The following LCN2 variants were observed in gnomAD, a reference collection of about 807,000 sequenced individuals.
LCN2 encodes lipocalin 2.
In LCN2, 27 loss-of-function variants were observed where a neutral mutation model predicts 26.4. The observed-to-expected ratio is 1.02, with a 90% CI of 0.76 to 1.41. LCN2 has a LOEUF of 1.41. LCN2 is among the 40% of genes most tolerant of loss of function. The pLI, the probability that LCN2 is intolerant of heterozygous loss-of-function variation, is 0.00. For synonymous variants in LCN2, 94 were observed against 98.9 expected, an observed-to-expected ratio of 0.95 and a Z score of 0.30; for missense variants, 224 against 237.6, an observed-to-expected ratio of 0.94 and a Z score of 0.38.
Position 128,153,317 on chromosome 9 carries a change from G to A in LCN2, c.*14G>A, listed in dbSNP as rs1010411785. The A allele has an allele frequency of 1.8e-5, 12 of 663,208 alleles. No individual in the cohort carries two copies. Among genetic ancestry groups the A allele is most frequent in the East Asian group, 1.4e-4 (5 of 36,386 alleles). 41.1% of individuals were successfully genotyped at this position (663,208 alleles called of 1,614,324 possible). A position where few individuals can be genotyped will look rare whatever the true frequency, so the allele number is the denominator to read the frequency against. On this transcript the variant is annotated 3_prime_UTR_variant, in exon 7 of 7. Transcript: ENST00000277480. The surrounding 1 kb of genome is among the most constrained non-coding windows in gnomAD (Gnocchi z 5.4). ...CATATCCACCTCTGTCCAGGGTGCC[G>A]CCAGCTGCCGCACCAGCCCGAACAC...
chr9:128,150,101 C>T, intron 1 of LCN2, 137 bp from the exon 2 acceptor site: 1 of 1,145,732 alleles, frequency 8.7e-7, no homozygotes, highest in Non-Finnish European at 1.2e-6. Flanking sequence ...CCAGTGCAGG[C>T]CCAGCCTGGG....
intron 1 of LCN2, 107 bp downstream of exon 1, chr9:128,149,770 G>A (rs1834987351): frequency 7.3e-7 from 1 of 1,360,710 alleles, no homozygotes; most frequent in African/African-American, 1.4e-5. Flanking sequence ...GACTCTAGGA[G>A]TCCAGGGTCC....
At chr9:128,150,621 G>A in intron 2 of LCN2, 1 of 650,328 alleles carries the variant, frequency 1.5e-6, no homozygotes, top group East Asian at 3.2e-5. Flanking sequence ...CTGGGAGCGG[G>A]AGGAGGGGAC....
At chr9:128,150,629 G>A in intron 2 of LCN2, 1 of 638,980 alleles carries the variant, frequency 1.6e-6, no homozygotes, top group Non-Finnish European at 2.9e-6. Context: ...GGGAGGAGGG[G>A]ACACTGGATC....
At chr9:128,150,866 C>A (rs1834999868) in intron 2 of LCN2, among the ~76,000 whole-genome samples, 3 of 152,232 alleles carry the variant, frequency 2.0e-5, no homozygotes, top group African/African-American at 7.2e-5. Context: ...GGTCCTCAGG[C>A]CCCGCCCCAG....
intron 2 of LCN2, chr9:128,151,427 G>GGACA: frequency 1.6e-6 from 1 of 616,902 alleles, no homozygotes; most frequent in Non-Finnish European, 3.0e-6. Flanking sequence ...AGGCCAGGAG[G>GGACA]GACAGCCTGG....
Position 128,151,920 on chromosome 9 carries a change from A to G in LCN2, c.370A>G (p.Thr124Ala). The G allele has an allele frequency of 6.2e-7, 1 of 1,614,116 alleles. No homozygotes were observed. The highest frequency in any genetic ancestry group is 8.5e-7 in the Non-Finnish European group (1 of 1,180,000). Residue 124 changes from threonine (T) to alanine (A), a missense_variant, in exon 4 of 7, where the codon ACG (threonine) becomes GCG (alanine). By Grantham distance (58) the Thr-to-Ala change is moderately conservative. Coordinates refer to ENST00000277480, the MANE Select transcript of LCN2 (RefSeq NM_005564.5). ...CACGCCTGCAGGTTACCCTGGATTA[A>G]CGAGTTACCTCGTCCGAGTGGTGAG... is the stretch of plus-strand genomic sequence containing the variant. ...LGNIKSYPGLTSYLVRVVSTN... is the reference protein window; with the variant it reads ...LGNIKSYPGLASYLVRVVSTN...
At chr9:128,150,214 G>A (rs1262835293) in intron 1 of LCN2, 24 bp from the exon 2 acceptor site, 1 of 1,606,064 alleles carries the variant, frequency 6.2e-7, no homozygotes, top group Non-Finnish European at 8.5e-7. Flanking sequence ...TTCCTGGGTT[G>A]TGCCTCTTAT....
At chr9:128,152,148 G>A (rs370287787) in intron 4 of LCN2, 35 bp from the exon 5 acceptor site, 220 of 1,610,146 alleles carry the variant, frequency 1.4e-4, no homozygotes, top group Non-Finnish European at 1.8e-4. Flanking sequence ...TTTATGTGGT[G>A]TCTGCCAGCC....
At position 128,152,299 on chromosome 9, in the gene LCN2, G is replaced by A. The variant is rs1368692668; in HGVS notation, c.577+15G>A. The A allele has an allele frequency of 6.2e-7, 1 of 1,606,348 alleles. No homozygotes were observed. Among genetic ancestry groups the A allele is most frequent in the Admixed American group, 1.7e-5 (1 of 59,994 alleles). On this transcript the variant is annotated intron_variant, in intron 5 of 6. Transcript: ENST00000277480. The stretch of plus-strand genomic sequence containing the variant: ...TGTCCCAATCGGTAATGGCCAGTCT[G>A]GATGAGGGGACGGGGACATGGGGAC...
intron 2 of LCN2, among the ~76,000 whole-genome samples, chr9:128,150,969 G>A (rs554730951): frequency 1.1e-4 from 17 of 152,354 alleles, no homozygotes; most frequent in African/African-American, 3.4e-4. Context: ...GGAGACCAGC[G>A]AAAGTGAAGC....
rs747675011 is a variant in LCN2, at chr9:128,152,205, G to C, written c.498G>C (p.Ser166=). Residue 166 remains serine, a synonymous_variant, in exon 5 of 7, where the codon TCG becomes TCC. Transcript: ENST00000277480. The part of the protein sequence containing the change: ...TLYGRTKELT[S]ELKENFIRFS... Reference sequence around the variant, plus strand: ...CAGGGAGAACCAAGGAGCTGACTTCGGAACTAAAGGAGAACTTCATCCGCT... The same window carrying C: ...CAGGGAGAACCAAGGAGCTGACTTCCGAACTAAAGGAGAACTTCATCCGCT... 2.5e-6 allele frequency: 4 copies of C among 1,614,116 alleles called. No individual in the cohort carries two copies. Among genetic ancestry groups the C allele is most frequent in the South Asian group, 1.1e-5 (1 of 91,088 alleles).
At position 128,150,464 on chromosome 9, in the gene LCN2, C is replaced by T. The variant is rs576763833; in HGVS notation, c.275+90C>T. 1.9e-4 allele frequency: 288 copies of T among 1,525,440 alleles called. 1 individual carries two copies. In the African/African-American group the frequency reaches 3.3e-3, roughly 18 times the overall value. The allele number at this position is 1,525,440 out of a possible 1,614,324, so 94.5% of individuals were successfully genotyped here. On this transcript the variant is annotated intron_variant, in intron 2 of 6. Transcript: ENST00000277480. ...AGCTGAGGGATCCTGTCGTTCACCTCGCTGTTCTGCCCGGAATTCATCTGT... is the reference window on the plus strand; with the variant it reads ...AGCTGAGGGATCCTGTCGTTCACCTTGCTGTTCTGCCCGGAATTCATCTGT...
At position 128,149,600 on chromosome 9, in the gene LCN2, A is replaced by T. The variant is rs1834985158; in HGVS notation, c.75A>T (p.Ser25=). Residue 25 remains serine, a synonymous_variant, in exon 1 of 7, where the codon TCA becomes TCT. Coordinates refer to ENST00000277480, the MANE Select transcript of LCN2 (RefSeq NM_005564.5). ...ALHAQAQDST[S]DLIPAPPLSK... is the part of the protein sequence containing the mutation. ...ATGCCCAGGCCCAGGACTCCACCTCAGACCTGATCCCAGCCCCACCTCTGA... is the reference window on the plus strand; with the variant it reads ...ATGCCCAGGCCCAGGACTCCACCTCTGACCTGATCCCAGCCCCACCTCTGA... The T allele has an allele frequency of 3.1e-6, 5 of 1,613,934 alleles. No individual in the cohort carries two copies. In the East Asian group the frequency reaches 1.1e-4, roughly 36 times the overall value.
rs1829156312 is a variant in LCN2 at position 128,153,031 on chromosome 9, C to G, written c.578-69C>G. 1 of 1,541,920 alleles carries G rather than the reference C, an allele frequency of 6.5e-7. No homozygotes were observed. Among genetic ancestry groups the G allele is most frequent in the Non-Finnish European group, 8.9e-7 (1 of 1,123,252 alleles). ...TGCAGAGGACCTGGCAGTCAGGGATCACACACACACACTCATACACGCACA... is the reference window on the plus strand; with the variant it reads ...TGCAGAGGACCTGGCAGTCAGGGATGACACACACACACTCATACACGCACA... On this transcript the variant is annotated intron_variant, in intron 5 of 6. Transcript: ENST00000277480. This position sits in a 1 kb window ranked among gnomAD's most constrained non-coding sequence, Gnocchi z 5.4.
At chr9:128,151,416 CA>C (rs1835005015) in intron 2 of LCN2, 1 of 606,386 alleles carries the variant, frequency 1.6e-6, no homozygotes, top group Non-Finnish European at 3.0e-6. Context: ...GGGCCCCAGG[CA>C]GGCCAGGAGG....
chr9:128,149,684 C>G, intron 1 of LCN2, 21 bp downstream of exon 1: 1 of 1,613,330 alleles, frequency 6.2e-7, no homozygotes, highest in Non-Finnish European at 8.5e-7. Context: ...AAGAGGGGCA[C>G]CTGCAGGCAG....
chr9:128,152,420 T>G (rs537426173), intron 5 of LCN2, 136 bp downstream of exon 5: 2 of 737,558 alleles, frequency 2.7e-6, no homozygotes, highest in Non-Finnish European at 4.5e-6. Context: ...CAGGAGCTCC[T>G]TGGAAGCCAC....
In LCN2 at chr9:128,153,336, C is replaced by T. The variant is rs12260; in HGVS notation, c.*33C>T. The T allele has an allele frequency of 6.9e-3, 4,309 of 627,026 alleles. 132 individuals are homozygous for T. In the African/African-American group the frequency reaches 0.07, roughly 10 times the overall value. 38.8% of individuals were successfully genotyped at this position (627,026 alleles called of 1,614,324 possible). A position where few individuals can be genotyped will look rare whatever the true frequency, so the allele number is the denominator to read the frequency against. ...GGTGCCGCCAGCTGCCGCACCAGCC[C>T]GAACACCATTGAGGGAGCTGGGAGA... On this transcript the variant is annotated 3_prime_UTR_variant, in exon 7 of 7. Coordinates refer to ENST00000277480, the MANE Select transcript of LCN2 (RefSeq NM_005564.5). The surrounding 1 kb of genome is among the most constrained non-coding windows in gnomAD (Gnocchi z 5.4).
Sources: gnomAD v4.1 joint callset for allele counts (sites outside exome capture counted in the v4.1 genomes callset) on GRCh38, gnomAD v4.1.1 for gene constraint, Gnocchi (gnomAD v3.1) non-coding constraint, MANE v1.5 for transcripts, NCBI Gene and HGNC (gene_info 2026-07-23, HGNC 2026-07-21) for gene names.